TMTC1: variants seen among roughly 807,000 people sequenced by gnomAD.
TMTC1 encodes the protein protein O-mannosyl-transferase TMTC1.
TMTC1 carries 73 observed loss-of-function variants against 104.8 expected under a neutral mutation model. The observed-to-expected ratio is 0.70, with a 90% CI of 0.58 to 0.85. The LOEUF (loss-of-function observed/expected upper bound fraction) is 0.85. TMTC1 is among the 40% of genes least tolerant of loss of function. The pLI, the probability that TMTC1 is intolerant of heterozygous loss-of-function variation, is 0.00. For synonymous variants in TMTC1, 434 were observed against 428.7 expected (o/e 1.01, Z -0.15); for missense variants, 1,035 against 1,096.1 (o/e 0.94, Z 0.79).
chr12:29,508,346 GATT>G (rs1304479548), intron 17 of TMTC1, among the ~76,000 whole-genome samples: 4 of 152,180 alleles, frequency 2.6e-5, no homozygotes, highest in Non-Finnish European at 5.9e-5. Context: ...AATGTCTTCT[GATT>G]TTTATTAGCC....
Position 29,601,962 on chromosome 12 carries a change from A to T in TMTC1, c.1250+2216T>A, listed in dbSNP as rs931074635. Among the ~76,000 whole-genome samples, 46 of 149,964 alleles carry T rather than the reference A, an allele frequency of 3.1e-4. 1 individual carries two copies. In the Admixed American group the frequency reaches 3.1e-3, roughly 10 times the overall value. On this transcript the variant is annotated intron_variant, in intron 7 of 17. Transcript: ENST00000539277. ...ACCATTCTCCTTCCTCAGCCTCCAG[A>T]GTAGCTAGGACTACAGGCGCCCGCC... is the stretch of plus-strand genomic sequence containing the variant.
Position 29,742,426 on chromosome 12 carries a change from C to T in TMTC1, c.938+9240G>A, listed in dbSNP as rs142118820. ...TCATGAAGACTGTAGCTTAGGGTGA[C>T]GTCAAAGTCAATATGCATTTCCAAG... On this transcript the variant is annotated intron_variant, in intron 5 of 17. Transcript: ENST00000539277. Among the ~76,000 whole-genome samples the T allele has an allele frequency of 1.0e-2, 1,518 of 152,092 alleles. 31 individuals are homozygous for T. The highest frequency in any genetic ancestry group is 0.035 in the African/African-American group (1,453 of 41,468).
intron 9 of TMTC1, among the ~76,000 whole-genome samples, chr12:29,561,807 C>T (rs186190408): frequency 6.6e-6 from 1 of 152,172 alleles, no homozygotes; most frequent in Non-Finnish European, 1.5e-5. Flanking sequence ...AGAATACACA[C>T]CCTGATTTAT....
intron 9 of TMTC1, among the ~76,000 whole-genome samples, chr12:29,567,291 T>C (rs1945542959): frequency 6.6e-6 from 1 of 152,220 alleles, no homozygotes; most frequent in South Asian, 2.1e-4. Flanking sequence ...AATGAAAAAG[T>C]GGTCTAAGAT....
intron 5 of TMTC1, among the ~76,000 whole-genome samples, chr12:29,639,918 C>T (rs548100556): frequency 1.2e-4 from 19 of 152,292 alleles, no homozygotes; most frequent in African/African-American, 4.1e-4. Flanking sequence ...TGACTGGAAG[C>T]AGGACCTGAG....
At position 29,627,304 on chromosome 12, in the gene TMTC1, T is replaced by C. The variant is rs116317816; in HGVS notation, c.1128+5843A>G. The stretch of plus-strand genomic sequence containing the variant: ...ATTAAAAAATGGGCAAAGACCTAAA[T>C]AGACATTTCTCCAGAGAAGATATAA... On this transcript the variant is annotated intron_variant, in intron 6 of 17. Transcript: ENST00000539277. 1.9e-3 allele frequency among the ~76,000 whole-genome samples: 288 copies of C among 152,232 alleles called. 1 individual carries two copies. Among genetic ancestry groups the C allele is most frequent in the African/African-American group, 6.5e-3 (272 of 41,564 alleles).
intron 3 of TMTC1, among the ~76,000 whole-genome samples, chr12:29,756,619 T>G (rs757711974): frequency 2.1e-4 from 32 of 152,190 alleles, no homozygotes; most frequent in Non-Finnish European, 3.5e-4. Flanking sequence ...CAACAAGGAT[T>G]TTCAAAATCT....
chr12:29,699,978 C>T (rs1263050149), intron 5 of TMTC1, among the ~76,000 whole-genome samples: 1 of 151,968 alleles, frequency 6.6e-6, no homozygotes, highest in African/African-American at 2.4e-5. Context: ...CTTCAAGACA[C>T]ATATATTGTT....
chr12:29,529,698 T>C (rs897947955), intron 11 of TMTC1, among the ~76,000 whole-genome samples: 2 of 152,176 alleles, frequency 1.3e-5, no homozygotes. Context: ...TACGAGACAG[T>C]TCCTCCACCC....
intron 8 of TMTC1, among the ~76,000 whole-genome samples, chr12:29,578,611 G>C (rs1039307554): frequency 6.6e-6 from 1 of 152,096 alleles, no homozygotes; most frequent in South Asian, 2.1e-4. Flanking sequence ...TTAAATCCAC[G>C]CATTTCACGT....
Position 29,783,781 on chromosome 12 carries a change from C to A in TMTC1, c.-30G>T. The A allele has an allele frequency of 8.8e-7, 1 of 1,132,834 alleles. No individual in the cohort carries two copies. Among genetic ancestry groups the A allele is most frequent in the East Asian group, 5.0e-5 (1 of 20,052 alleles). 70.2% of individuals were successfully genotyped at this position (1,132,834 alleles called of 1,614,324 possible). A position where few individuals can be genotyped will look rare whatever the true frequency, so the allele number is the denominator to read the frequency against. ...CCGCCGCCGCCGCTGCTGCCCTGGC[C>A]TCTCCCGGGCGTCTGGCATCCTCCC... is the stretch of plus-strand genomic sequence containing the variant. On this transcript the variant is annotated 5_prime_UTR_variant, in exon 1 of 18. It adds an upstream start codon to the 5' untranslated region. Coordinates refer to ENST00000539277, the MANE Select transcript of TMTC1 (RefSeq NM_001193451.2). The surrounding 1 kb of genome is among the most constrained non-coding windows in gnomAD (Gnocchi z 4.7).
At chr12:29,542,151 T>C (rs942239913) in intron 10 of TMTC1, among the ~76,000 whole-genome samples, 3 of 152,182 alleles carry the variant, frequency 2.0e-5, no homozygotes, top group Admixed American at 6.5e-5. Context: ...TAGCCCATAA[T>C]TGGTGAAAAA....
At chr12:29,607,250 A>G (rs370591177) in intron 6 of TMTC1, among the ~76,000 whole-genome samples, 4 of 152,134 alleles carry the variant, frequency 2.6e-5, no homozygotes, top group African/African-American at 9.7e-5. Flanking sequence ...CTGCCTCACT[A>G]GAATGTGAGC....
chr12:29,511,463 T>C (rs2136133289), intron 17 of TMTC1, among the ~76,000 whole-genome samples: 1 of 152,262 alleles, frequency 6.6e-6, no homozygotes, highest in Non-Finnish European at 1.5e-5. Context: ...TGATGGCGAA[T>C]CGTTCATTGC....
At chr12:29,724,262 G>A (rs1373262774) in intron 5 of TMTC1, among the ~76,000 whole-genome samples, 30 of 152,184 alleles carry the variant, frequency 2.0e-4, no homozygotes, top group Non-Finnish European at 2.9e-5. Context: ...GCGTTGGCAG[G>A]AGCCTGGAGC....
At chr12:29,650,330 C>CTTGA (rs1302284101) in intron 5 of TMTC1, among the ~76,000 whole-genome samples, 2 of 152,044 alleles carry the variant, frequency 1.3e-5, no homozygotes, top group African/African-American at 4.8e-5. Context: ...AGTGATCTGC[C>CTTGA]CGCCTAAGCC....
chr12:29,583,328 G>A (rs1946034705), intron 8 of TMTC1, 79 bp downstream of exon 8: 1 of 1,415,402 alleles, frequency 7.1e-7, no homozygotes, highest in Non-Finnish European at 9.6e-7. Flanking sequence ...CCAGGCCCAT[G>A]TTACCTCATT....
At chr12:29,578,619 C>T (rs1381301753) in intron 8 of TMTC1, among the ~76,000 whole-genome samples, 1 of 152,136 alleles carries the variant, frequency 6.6e-6, no homozygotes, top group African/African-American at 2.4e-5. Context: ...ACGCATTTCA[C>T]GTATCTCCCT....
In TMTC1 at chr12:29,518,557, G is replaced by A. The variant is rs1409185313; in HGVS notation, c.1939C>T (p.Pro647Ser). The A allele has an allele frequency of 3.1e-6, 5 of 1,613,986 alleles. No homozygotes were observed. Among genetic ancestry groups the A allele is most frequent in the Non-Finnish European group, 4.2e-6 (5 of 1,179,976 alleles). The change falls in exon 13 of 18, where the codon CCC becomes TCC. Residue 647 changes from proline (P) to serine (S), a missense_variant. Transcript: ENST00000539277. ...AHYQQAIKLSPSHHVAMVNLG... is the reference protein window; with the variant it reads ...AHYQQAIKLSSSHHVAMVNLG... ...TTCACCATGGCCACGTGATGACTGG[G>A]GCTAAGTTTGATGGCCTGCTGGTAA...
Sources: gnomAD v4.1 joint callset for allele counts (sites outside exome capture counted in the v4.1 genomes callset) on GRCh38, gnomAD v4.1.1 for gene constraint, Gnocchi (gnomAD v3.1) non-coding constraint, MANE v1.5 for transcripts, NCBI Gene and HGNC (gene_info 2026-07-23, HGNC 2026-07-21) for gene names.